NRG3: variants seen among roughly 807,000 people sequenced by gnomAD.
NRG3 encodes neuregulin 3, also known as pro-neuregulin-3, membrane-bound isoform.
NRG3 carries 31 observed loss-of-function variants against 66.9 expected under a neutral mutation model. The ratio of observed to expected loss-of-function variants is 0.46; its 90% CI spans 0.35 to 0.63. The LOEUF (loss-of-function observed/expected upper bound fraction) is 0.63, where lower values mean the gene tolerates loss of function less well. NRG3 is among the 20% of genes least tolerant of loss of function. The pLI is 0.00. For missense variants in NRG3, 910 were observed against 878.9 expected (o/e 1.04, Z -0.45); for synonymous variants, 393 against 359.4 (o/e 1.09, Z -1.06).
At chr10:82,201,309 C>G (rs1564657839) in intron 1 of NRG3, among the ~76,000 whole-genome samples, 1 of 151,434 alleles carries the variant, frequency 6.6e-6, no homozygotes, top group Non-Finnish European at 1.5e-5. Flanking sequence ...GTTTCACAAA[C>G]AGGATTTTGA....
chr10:82,758,845 C>T (rs560795596), intron 3 of NRG3, among the ~76,000 whole-genome samples: 1 of 151,364 alleles, frequency 6.6e-6, no homozygotes, highest in Admixed American at 6.6e-5. Context: ...GCAGGTAAAA[C>T]TTGTCTTGGC....
chr10:82,798,386 C>G (rs1433960814), intron 3 of NRG3, among the ~76,000 whole-genome samples: 2 of 152,086 alleles, frequency 1.3e-5, no homozygotes, highest in African/African-American at 4.8e-5. Context: ...ATCTATACAG[C>G]AGTCAAAGAA....
At chr10:82,828,237 T>C (rs766874917) in intron 3 of NRG3, among the ~76,000 whole-genome samples, 55 of 152,190 alleles carry the variant, frequency 3.6e-4, no homozygotes, top group Non-Finnish European at 6.6e-4. Flanking sequence ...AAAAAACTTC[T>C]GCTAGGAATG....
chr10:81,923,248 G>A (rs948176507), intron 1 of NRG3, among the ~76,000 whole-genome samples: 5 of 149,950 alleles, frequency 3.3e-5, no homozygotes, highest in South Asian at 2.1e-4. Flanking sequence ...TTACTCAATC[G>A]AATTTGGAAT....
intron 1 of NRG3, among the ~76,000 whole-genome samples, chr10:81,986,204 G>A (rs953419366): frequency 3.9e-5 from 6 of 152,032 alleles, no homozygotes; most frequent in Non-Finnish European, 5.9e-5. Flanking sequence ...CAAGTTTCAG[G>A]CTGCAAAATT....
At chr10:82,624,286 C>A (rs1024227565) in intron 2 of NRG3, among the ~76,000 whole-genome samples, 1 of 152,122 alleles carries the variant, frequency 6.6e-6, no homozygotes, top group Non-Finnish European at 1.5e-5. Context: ...GCTTTCATAA[C>A]TTGCCAGTTT....
chr10:81,945,038 G>C (rs1589550366), intron 1 of NRG3, among the ~76,000 whole-genome samples: 1 of 151,994 alleles, frequency 6.6e-6, no homozygotes, highest in South Asian at 2.1e-4. Context: ...ACCTCCCCCA[G>C]ACCTCCTTCC....
Position 82,673,322 on chromosome 10 carries a change from T to A in NRG3, c.954-65255T>A, listed in dbSNP as rs1175110172. Among the ~76,000 whole-genome samples, 3 of 152,338 alleles carry A rather than the reference T, an allele frequency of 2.0e-5. No individual in the cohort carries two copies. The East Asian group carries it at 5.8e-4, about 29-fold the overall frequency. On this transcript the variant is annotated intron_variant, in intron 2 of 8. Transcript: ENST00000372141. ...TTCTTAAATGTATATATAGCTCACA[T>A]TTGTTTCAATGGTAAATAGTAGAGG...
chr10:82,238,586 C>G (rs2076860541), intron 1 of NRG3, among the ~76,000 whole-genome samples: 1 of 151,996 alleles, frequency 6.6e-6, no homozygotes, highest in Admixed American at 6.6e-5. Context: ...CTTTCTCTCC[C>G]CCTACCCTTT....
chr10:81,878,176 T>TA, intron 1 of NRG3: 2 of 1,253,116 alleles, frequency 1.6e-6, no homozygotes, highest in South Asian at 1.6e-5. Context: ...TAATGATTAT[T>TA]GACAGGGCCC....
chr10:82,604,885 G>C (rs2047867119), intron 2 of NRG3, among the ~76,000 whole-genome samples: 1 of 151,990 alleles, frequency 6.6e-6, no homozygotes, highest in Admixed American at 6.6e-5. Flanking sequence ...GTTTATTGCT[G>C]GTGTATAAGA....
chr10:82,674,727 C>T (rs1003203591), intron 2 of NRG3, among the ~76,000 whole-genome samples: 3 of 152,004 alleles, frequency 2.0e-5, no homozygotes, highest in East Asian at 1.9e-4. Flanking sequence ...AGTCTCAGAT[C>T]TCTCAGATGA....
intron 1 of NRG3, among the ~76,000 whole-genome samples, chr10:81,968,140 G>A (rs1467084263): frequency 6.6e-6 from 1 of 152,180 alleles, no homozygotes; most frequent in African/African-American, 2.4e-5. Context: ...ATTTGGGCAG[G>A]CTCTGCTTTT....
chr10:82,284,558 GA>G (rs777722021), intron 1 of NRG3, among the ~76,000 whole-genome samples: 1 of 152,042 alleles, frequency 6.6e-6, no homozygotes, highest in Non-Finnish European at 1.5e-5. Flanking sequence ...TATTCATTTG[GA>G]AAGGTCAACT....
rs1433062087 is a variant in NRG3, at chr10:82,476,286, A to G, written c.953+117418A>G. On this transcript the variant is annotated intron_variant, in intron 2 of 8. Transcript: ENST00000372141. ...ATGTAAAATGGTGCAGCCACTGTGG[A>G]ATAGTATGTCAGTTCCTCAAAAAAT... is the stretch of plus-strand genomic sequence containing the variant. Among the ~76,000 whole-genome samples, 6 of 152,340 alleles carry G rather than the reference A, an allele frequency of 3.9e-5. No individual in the cohort carries two copies. In the East Asian group the frequency reaches 1.2e-3, roughly 29 times the overall value.
chr10:82,658,581 C>A (rs2133943901), intron 2 of NRG3, among the ~76,000 whole-genome samples: 1 of 151,578 alleles, frequency 6.6e-6, no homozygotes, highest in East Asian at 1.9e-4. Flanking sequence ...AGAGTATGTA[C>A]TAATTGATTC....
intron 1 of NRG3, among the ~76,000 whole-genome samples, chr10:81,973,748 A>T (rs1187226202): frequency 6.6e-6 from 1 of 151,778 alleles, no homozygotes; most frequent in East Asian, 1.9e-4. Context: ...CACTTTTTTT[A>T]TGGGGTTGTT....
At chr10:82,656,487 G>A (rs978208600) in intron 2 of NRG3, among the ~76,000 whole-genome samples, 6 of 152,026 alleles carry the variant, frequency 3.9e-5, no homozygotes, top group Non-Finnish European at 8.8e-5. Flanking sequence ...CAAACAAATT[G>A]TAGTGAAACT....
chr10:82,474,413 GATAAT>G (rs1841569458), intron 2 of NRG3, among the ~76,000 whole-genome samples: 1 of 151,946 alleles, frequency 6.6e-6, no homozygotes, highest in Non-Finnish European at 1.5e-5. Flanking sequence ...TCAACAAAGA[GATAAT>G]ATATTTTAAA....
Sources: gnomAD v4.1 joint callset for allele counts (sites outside exome capture counted in the v4.1 genomes callset) on GRCh38, gnomAD v4.1.1 for gene constraint, MANE v1.5 for transcripts, NCBI Gene and HGNC (gene_info 2026-07-23, HGNC 2026-07-21) for gene names.